The following HSD17B12 variants were observed in gnomAD, a reference collection of about 807,000 sequenced individuals.
HSD17B12 encodes hydroxysteroid 17-beta dehydrogenase 12.
Under a neutral mutation model 39.3 loss-of-function variants are expected in HSD17B12, and 32 were observed. The ratio of observed to expected loss-of-function variants is 0.81; its 90% CI spans 0.61 to 1.09. HSD17B12 has a LOEUF of 1.09. Ranked by LOEUF, HSD17B12 falls within the 50% of genes least tolerant of loss-of-function variation. HSD17B12 has a pLI of 0.00. For synonymous variants in HSD17B12, 150 were observed against 146.7 expected (o/e 1.02, Z -0.16); for missense variants, 342 against 382.9 (o/e 0.89, Z 0.89).
Position 43,855,318 on chromosome 11 carries a change from T to A in HSD17B12, c.*70T>A. 1 of 847,156 alleles carries A rather than the reference T, an allele frequency of 1.2e-6. No individual in the cohort carries two copies. The highest frequency in any genetic ancestry group is 1.8e-6 in the Non-Finnish European group (1 of 549,776). The allele number at this position is 847,156 out of a possible 1,614,324, so 52.5% of individuals were successfully genotyped here. A position where few individuals can be genotyped will look rare whatever the true frequency, so the allele number is the denominator to read the frequency against. ...GCACGTTCACTGCAAAGCACCCTAC[T>A]GGTTTTGAAAATCTGACCTTGTCAT... On this transcript the variant is annotated 3_prime_UTR_variant, in exon 11 of 11. Transcript: ENST00000278353.
At chr11:43,619,215 A>AATAT in the HSD17B12 span, among the ~76,000 whole-genome samples, 25 of 67,308 alleles carry the variant, frequency 3.7e-4, no homozygotes, top group East Asian at 2.7e-3. Context: ...ATATATATAA[A>AATAT]ATATATATAT....
the HSD17B12 span, among the ~76,000 whole-genome samples, chr11:43,663,292 G>T: frequency 4.9e-3 from 744 of 152,254 alleles, 5 homozygotes; most frequent in South Asian, 0.018. Context: ...TAGCGACAGG[G>T]TTTCACCATG....
At chr11:43,763,855 A>G (rs1001550126) in intron 3 of HSD17B12, among the ~76,000 whole-genome samples, 7 of 151,970 alleles carry the variant, frequency 4.6e-5, no homozygotes, top group African/African-American at 1.7e-4. Flanking sequence ...TGATATTTGT[A>G]TAGTATTTCA....
chr11:43,708,949 T>G (rs1376928509), intron 1 of HSD17B12, among the ~76,000 whole-genome samples: 2 of 152,130 alleles, frequency 1.3e-5, no homozygotes, highest in Middle Eastern at 3.4e-3. Flanking sequence ...AGATTTCACC[T>G]TTTTTTTGTT....
upstream of HSD17B12, among the ~76,000 whole-genome samples, chr11:43,678,808 G>A (rs1348764905): frequency 2.0e-5 from 3 of 152,214 alleles, no homozygotes; most frequent in African/African-American, 7.2e-5. Flanking sequence ...CTGTTTTGGT[G>A]CCAGTACCAT....
At chr11:43,651,263 T>C in the HSD17B12 span, among the ~76,000 whole-genome samples, 1 of 152,326 alleles carries the variant, frequency 6.6e-6, no homozygotes, top group East Asian at 1.9e-4. Context: ...GAGAAGCCAA[T>C]GATGATAACG....
the HSD17B12 span, among the ~76,000 whole-genome samples, chr11:43,571,716 A>G: frequency 2.0e-5 from 3 of 152,248 alleles, no homozygotes; most frequent in Non-Finnish European, 2.9e-5. Context: ...CCAAAAAAAA[A>G]GGGGGAAGGG....
intron 1 of HSD17B12, among the ~76,000 whole-genome samples, chr11:43,714,500 A>G (rs569228439): frequency 2.0e-5 from 3 of 152,342 alleles, no homozygotes; most frequent in Admixed American, 6.5e-5. Flanking sequence ...TTTTGGTACC[A>G]GTATCATGCT....
At chr11:43,828,392 C>T (rs1021707090) in intron 6 of HSD17B12, among the ~76,000 whole-genome samples, 5 of 145,504 alleles carry the variant, frequency 3.4e-5, no homozygotes, top group East Asian at 2.0e-4. Context: ...TCCGCCGCCT[C>T]GGCCTCCCAA....
At chr11:43,717,075 A>G (rs1378392497) in intron 1 of HSD17B12, among the ~76,000 whole-genome samples, 1 of 152,138 alleles carries the variant, frequency 6.6e-6, no homozygotes, top group African/African-American at 2.4e-5. Flanking sequence ...AAAGCATCCA[A>G]GTAACGATTT....
intron 1 of HSD17B12, chr11:43,718,792 G>T: frequency 1.0e-6 from 1 of 986,004 alleles, no homozygotes. Flanking sequence ...AAAAAAAGAA[G>T]ACCCGCACGT....
intron 9 of HSD17B12, among the ~76,000 whole-genome samples, chr11:43,850,052 G>C (rs1309270059): frequency 6.6e-6 from 1 of 152,062 alleles, no homozygotes; most frequent in Non-Finnish European, 1.5e-5. Flanking sequence ...CTTCATTTTG[G>C]ATTTAGATGC....
At chr11:43,835,800 G>C (rs753187284) in intron 7 of HSD17B12, among the ~76,000 whole-genome samples, 42 of 152,230 alleles carry the variant, frequency 2.8e-4, no homozygotes, top group Non-Finnish European at 4.9e-4. Context: ...TTTTCAATAG[G>C]ATTAGAATAC....
At chr11:43,699,102 T>C (rs1028890969) in intron 1 of HSD17B12, among the ~76,000 whole-genome samples, 1 of 152,208 alleles carries the variant, frequency 6.6e-6, no homozygotes, top group Non-Finnish European at 1.5e-5. Context: ...ATTAAAGATA[T>C]AGTTAAATTA....
At chr11:43,658,076 T>A in the HSD17B12 span, among the ~76,000 whole-genome samples, 1 of 152,372 alleles carries the variant, frequency 6.6e-6, no homozygotes, top group Admixed American at 6.5e-5. Context: ...CCCATATTTC[T>A]TGGAGGCTTT....
chr11:43,560,607 A>G, the HSD17B12 span, among the ~76,000 whole-genome samples: 1 of 152,176 alleles, frequency 6.6e-6, no homozygotes, highest in Non-Finnish European at 1.5e-5. Flanking sequence ...CTGAGCTCCC[A>G]CTGGAATTCT....
intron 8 of HSD17B12, 128 bp from the exon 9 acceptor site, chr11:43,839,871 T>C (rs866482074): frequency 1.3e-6 from 1 of 798,228 alleles, no homozygotes; most frequent in African/African-American, 1.8e-5. Context: ...TCTTCTGCGT[T>C]TGAAATGAAA....
chr11:43,609,484 G>T, the HSD17B12 span, among the ~76,000 whole-genome samples: 7 of 151,730 alleles, frequency 4.6e-5, no homozygotes, highest in Admixed American at 6.6e-5. Context: ...TCCCATCTCA[G>T]CCTCCCAAGT....
intron 1 of HSD17B12, among the ~76,000 whole-genome samples, chr11:43,717,167 C>A (rs1039486737): frequency 1.3e-5 from 2 of 152,140 alleles, no homozygotes; most frequent in African/African-American, 2.4e-5. Context: ...AATCATCTTA[C>A]TTATTAAAGC....
Sources: allele counts gnomAD v4.1 joint callset (sites outside exome capture counted in the v4.1 genomes callset), GRCh38; gene constraint gnomAD v4.1.1; transcripts MANE v1.5; gene names NCBI Gene and HGNC (gene_info 2026-07-23, HGNC 2026-07-21).